NUP210L: variants seen among roughly 807,000 people sequenced by gnomAD.
NUP210L encodes nuclear pore membrane glycoprotein 210-like.
Under a neutral mutation model 208.5 loss-of-function variants are expected in NUP210L, and 74 were observed. The ratio of observed to expected loss-of-function variants is 0.35; its 90% CI spans 0.29 to 0.43. The LOEUF is 0.43. Ranked by LOEUF, NUP210L falls within the 20% of genes least tolerant of loss-of-function variation. NUP210L has a pLI of 1.00. For missense variants in NUP210L, 1,843 were observed against 2,289.4 expected (o/e 0.81, Z 3.98); for synonymous variants, 780 against 816.9 (o/e 0.95, Z 0.77).
Position 154,137,162 on chromosome 1 carries a change from T to C in NUP210L, c.850+944A>G, listed in dbSNP as rs549956766. Among the ~76,000 whole-genome samples the C allele has an allele frequency of 2.0e-4, 31 of 152,076 alleles. No homozygotes were observed. In the South Asian group the frequency reaches 6.2e-3, roughly 31 times the overall value. ...AGCTTGGCACAGTAGCTCACACCTA[T>C]AATCTCAGCCCTTTGGGAGGGAGGC... is the stretch of plus-strand genomic sequence containing the variant. On this transcript the variant is annotated intron_variant, in intron 6 of 39. Transcript: ENST00000368559.
At chr1:154,027,636 C>T (rs1267946153) in intron 28 of NUP210L, 39 bp from the exon 29 acceptor site, 7 of 1,371,166 alleles carry the variant, frequency 5.1e-6, no homozygotes, top group East Asian at 2.3e-5. Flanking sequence ...TTGGCAAAGA[C>T]AAATTATGAC....
chr1:154,141,341 G>T, intron 4 of NUP210L, 90 bp downstream of exon 4: 1 of 802,780 alleles, frequency 1.2e-6, no homozygotes. Flanking sequence ...GGTCATCAAA[G>T]TCCACACAAA....
chr1:154,100,053 T>G, exon 14 of NUP210L: 2 of 1,614,062 alleles, frequency 1.2e-6, no homozygotes, highest in Non-Finnish European at 1.7e-6. Flanking sequence ...CTTGTCACAT[T>G]CATTCACACT....
chr1:154,139,117 A>G (rs1658699853), intron 5 of NUP210L, among the ~76,000 whole-genome samples: 1 of 152,082 alleles, frequency 6.6e-6, no homozygotes, highest in Admixed American at 6.6e-5. Flanking sequence ...AAAATACAAA[A>G]ATTAGTTGGG....
Position 154,001,935 on chromosome 1 carries a change from G to A in NUP210L, c.4981C>T (p.Gln1661Ter), listed in dbSNP as rs199946419. Reference sequence around the variant, plus strand: ...GAGGTGTCAGCCACACTGAGGGCCTGTAGCAGCTCCTCTGACTGCGGTCGA... The same window carrying A: ...GAGGTGTCAGCCACACTGAGGGCCTATAGCAGCTCCTCTGACTGCGGTCGA... Residue 1661 changes from glutamine (Q) to a stop codon, truncating the protein, a stop_gained, in exon 36 of 40, where the codon CAG becomes TAG. Coordinates refer to ENST00000368559, the Ensembl canonical transcript of NUP210L. LOFTEE classifies it high-confidence loss of function. 6.2e-7 allele frequency: 1 copy of A among 1,614,044 alleles called. No individual in the cohort carries two copies. The highest frequency in any genetic ancestry group is 2.2e-5 in the East Asian group (1 of 44,878).
At chr1:154,099,693 T>C (rs1656364969) in intron 14 of NUP210L, among the ~76,000 whole-genome samples, 1 of 152,206 alleles carries the variant, frequency 6.6e-6, no homozygotes, top group Non-Finnish European at 1.5e-5. Flanking sequence ...CACCTGAAGA[T>C]TAGTGTACTT....
intron 32 of NUP210L, among the ~76,000 whole-genome samples, chr1:154,020,476 A>G (rs2147925416): frequency 6.6e-6 from 1 of 152,138 alleles, no homozygotes; most frequent in East Asian, 1.9e-4. Flanking sequence ...TCAGCCTCCC[A>G]ATAGTTGGGA....
intron 27 of NUP210L, among the ~76,000 whole-genome samples, chr1:154,040,373 A>C (rs75469617): frequency 6.7e-6 from 1 of 148,328 alleles, no homozygotes; most frequent in Non-Finnish European, 1.5e-5. Flanking sequence ...ACCTTGTATC[A>C]AAAAAAAAAG....
intron 15 of NUP210L, among the ~76,000 whole-genome samples, chr1:154,092,371 G>A (rs1336067002): frequency 2.1e-5 from 3 of 144,238 alleles, no homozygotes; most frequent in Non-Finnish European, 3.0e-5. Context: ...TAGCCACCGC[G>A]CCCGGCCTTT....
chr1:154,001,085 A>G (rs1409997534), intron 36 of NUP210L, 25 bp from the exon 37 acceptor site: 1 of 1,592,796 alleles, frequency 6.3e-7, no homozygotes, highest in African/African-American at 1.4e-5. Context: ...AAAACCTTTT[A>G]TTTAAAAGAA....
Position 154,034,992 on chromosome 1 carries a change from C to G in NUP210L, c.3697-4938G>C, listed in dbSNP as rs1197119127. On this transcript the variant is annotated intron_variant, in intron 27 of 39. Transcript: ENST00000368559. ...GAGTAGCTAGGATTACAGGTGTGTA[C>G]CACCATGCCTGGCTAATTTTTGTAT... Among the ~76,000 whole-genome samples, 3 of 151,960 alleles carry G rather than the reference C, an allele frequency of 2.0e-5. No homozygotes were observed. In the South Asian group the frequency reaches 6.2e-4, roughly 31 times the overall value.
intron 17 of NUP210L, among the ~76,000 whole-genome samples, chr1:154,066,480 G>T (rs1248449963): frequency 6.6e-6 from 1 of 151,962 alleles, no homozygotes; most frequent in Non-Finnish European, 1.5e-5. Context: ...GTGCGGTGGC[G>T]GGCGCCTGTA....
intron 2 of NUP210L, among the ~76,000 whole-genome samples, chr1:154,146,179 G>A (rs1349698336): frequency 6.6e-6 from 1 of 152,092 alleles, no homozygotes; most frequent in Non-Finnish European, 1.5e-5. Flanking sequence ...TAAGGACAAA[G>A]GACATAGGAG....
intron 35 of NUP210L, among the ~76,000 whole-genome samples, chr1:154,003,272 A>T (rs1051980205): frequency 6.6e-6 from 1 of 151,878 alleles, no homozygotes; most frequent in South Asian, 2.1e-4. Flanking sequence ...CAGTGGCGCA[A>T]TCTCAGCTCA....
chr1:154,141,478 A>G, exon 4 of NUP210L: 1 of 1,613,298 alleles, frequency 6.2e-7, no homozygotes, highest in Non-Finnish European at 8.5e-7. Flanking sequence ...TGTCCTGGGC[A>G]ATGCTCCACT....
intron 33 of NUP210L, among the ~76,000 whole-genome samples, chr1:154,016,436 T>A (rs1651251834): frequency 6.6e-6 from 1 of 152,070 alleles, no homozygotes; most frequent in African/African-American, 2.4e-5. Context: ...CCCTTTATTG[T>A]TTACCTATCT....
chr1:154,023,356 A>G (rs1651676129), intron 30 of NUP210L, 59 bp from the exon 31 acceptor site: 1 of 1,290,888 alleles, frequency 7.7e-7, no homozygotes, highest in Non-Finnish European at 1.1e-6. Context: ...TGCTGCAACC[A>G]TATTCTGAGA....
At chr1:154,080,412 A>G (rs1280631528) in intron 16 of NUP210L, among the ~76,000 whole-genome samples, 1 of 151,312 alleles carries the variant, frequency 6.6e-6, no homozygotes, top group Non-Finnish European at 1.5e-5. Flanking sequence ...AGTGGCTCAC[A>G]CCTGTAATCC....
intron 1 of NUP210L, among the ~76,000 whole-genome samples, chr1:154,153,190 A>C (rs1274842801): frequency 1.3e-5 from 2 of 152,136 alleles, no homozygotes; most frequent in African/African-American, 4.8e-5. Flanking sequence ...TCATACTCTG[A>C]GGAAAGTTTC....
Sources: allele counts gnomAD v4.1 joint callset (sites outside exome capture counted in the v4.1 genomes callset), GRCh38; gene constraint gnomAD v4.1.1; transcripts MANE v1.5; gene names NCBI Gene and HGNC (gene_info 2026-07-23, HGNC 2026-07-21).